Variants in RAI14 observed in about 807,000 individuals in gnomAD.
RAI14 encodes the protein ankycorbin.
In RAI14, 45 loss-of-function variants were observed where a neutral mutation model predicts 115.4. The observed-to-expected ratio is 0.39, with a 90% confidence interval of 0.31 to 0.50. The LOEUF (loss-of-function observed/expected upper bound fraction) is 0.50, where lower values mean the gene tolerates loss of function less well. Among genes scored for constraint, RAI14 ranks in the 20% least tolerant of loss-of-function variants. The pLI is 0.85. For missense variants in RAI14, 939 were observed against 1,131.2 expected (o/e 0.83, Z 2.44); for synonymous variants, 371 against 415.4 (o/e 0.89, Z 1.30).
chr5:34,687,214 C>T (rs999626340), intron 2 of RAI14, among the ~76,000 whole-genome samples: 2 of 152,100 alleles, frequency 1.3e-5, no homozygotes, highest in African/African-American at 4.8e-5. Context: ...AAGGAACCGT[C>T]ACATTAAACA....
chr5:34,736,056 G>A (rs747780075), intron 2 of RAI14, among the ~76,000 whole-genome samples: 2 of 152,222 alleles, frequency 1.3e-5, no homozygotes, highest in Non-Finnish European at 2.9e-5. Context: ...CTCGATAGGT[G>A]GTTTTCAACC....
chr5:34,752,703 ATGTG>A (rs71600953), intron 2 of RAI14, among the ~76,000 whole-genome samples: 1,772 of 82,994 alleles, frequency 0.021, 53 homozygotes, highest in South Asian at 0.057. Context: ...TCTTACATAT[ATGTG>A]TGTGTGTGTG....
chr5:34,698,268 C>G (rs1473862935), intron 2 of RAI14, among the ~76,000 whole-genome samples: 2 of 149,108 alleles, frequency 1.3e-5, no homozygotes, highest in Non-Finnish European at 3.0e-5. Context: ...CTGAGGCCAG[C>G]ACTTCCCTTT....
Position 34,823,026 on chromosome 5 carries a change from G to A in RAI14, c.1184G>A (p.Gly395Asp), listed in dbSNP as rs758408600. The change falls in exon 15 of 18, where the codon GGC (glycine) becomes GAC (aspartate). Residue 395 changes from glycine to aspartate, a missense_variant. Physicochemically the swap from Gly to Asp is moderately conservative, Grantham distance 94. Transcript: ENST00000265109. This position sits in a 1 kb window ranked among gnomAD's most constrained non-coding sequence, Gnocchi z 4.5. ...TACCATTCCACCCAAACTGACTTGG[G>A]CCCATCCCTGGGAAAACCTGGTGAA... is the stretch of plus-strand genomic sequence containing the variant. ...DSYHSTQTDL[G>D]PSLGKPGETS... 6 of 1,613,932 alleles carry A rather than the reference G, an allele frequency of 3.7e-6. No individual in the cohort carries two copies. The highest frequency in any genetic ancestry group is 1.3e-5 in the African/African-American group (1 of 74,966).
intron 2 of RAI14, among the ~76,000 whole-genome samples, chr5:34,704,020 C>T (rs967796929): frequency 1.3e-5 from 2 of 152,174 alleles, no homozygotes; most frequent in Non-Finnish European, 2.9e-5. Context: ...TTGTGGGGCT[C>T]CACCCCAGAG....
At chr5:34,740,266 G>T (rs1033772830) in intron 2 of RAI14, among the ~76,000 whole-genome samples, 1 of 152,124 alleles carries the variant, frequency 6.6e-6, no homozygotes, top group East Asian at 1.9e-4. Context: ...TCAGTGTGTG[G>T]GGTCAAACTG....
intron 2 of RAI14, among the ~76,000 whole-genome samples, chr5:34,743,313 A>G (rs766283229): frequency 1.3e-5 from 2 of 152,162 alleles, no homozygotes; most frequent in Non-Finnish European, 2.9e-5. Flanking sequence ...GGTGGTTGCC[A>G]GCAATCCTTG....
In RAI14 at chr5:34,803,671, G is replaced by A. The variant is rs1473684971; in HGVS notation, c.257-41G>A. 3 of 1,499,832 alleles carry A rather than the reference G, an allele frequency of 2.0e-6. No individual in the cohort carries two copies. In the African/African-American group the frequency reaches 4.2e-5, roughly 21 times the overall value. 92.9% of individuals were successfully genotyped at this position (1,499,832 alleles called of 1,614,324 possible). On this transcript the variant is annotated intron_variant, in intron 4 of 17. Coordinates refer to ENST00000265109, the MANE Select transcript of RAI14 (RefSeq NM_015577.3). ...AGAAAGAGATTTTTTTTAAAGTGTGGCCTTTTTAAAAAAAATTATTATTTG... is the reference window on the plus strand; with the variant it reads ...AGAAAGAGATTTTTTTTAAAGTGTGACCTTTTTAAAAAAAATTATTATTTG...
chr5:34,752,532 A>G (rs961815610), intron 2 of RAI14, among the ~76,000 whole-genome samples: 1 of 151,816 alleles, frequency 6.6e-6, no homozygotes, highest in African/African-American at 2.4e-5. Flanking sequence ...TGGAGTAGAG[A>G]AACAGAGAGA....
intron 2 of RAI14, among the ~76,000 whole-genome samples, chr5:34,715,390 G>T (rs1024391667): frequency 6.6e-6 from 1 of 152,194 alleles, no homozygotes; most frequent in Non-Finnish European, 1.5e-5. Context: ...GTCTTAGCCA[G>T]CTTGGTCCAC....
At chr5:34,815,517 C>T (rs1756125726) in intron 12 of RAI14, among the ~76,000 whole-genome samples, 2 of 152,138 alleles carry the variant, frequency 1.3e-5, no homozygotes, top group South Asian at 2.1e-4. Context: ...GAGCCAAGAT[C>T]GGGCCACTGC....
intron 3 of RAI14, among the ~76,000 whole-genome samples, chr5:34,779,767 T>C (rs1751371144): frequency 6.6e-6 from 1 of 152,126 alleles, no homozygotes; most frequent in Non-Finnish European, 1.5e-5. Context: ...ATAGGAAGAA[T>C]CAATATCGTG....
At chr5:34,746,666 A>G (rs903695844) in intron 2 of RAI14, among the ~76,000 whole-genome samples, 4 of 152,006 alleles carry the variant, frequency 2.6e-5, no homozygotes, top group East Asian at 1.9e-4. Context: ...CAGCCTCCCA[A>G]TCCTTATACC....
chr5:34,715,222 TTTC>T (rs993991974), intron 2 of RAI14, among the ~76,000 whole-genome samples: 1 of 152,048 alleles, frequency 6.6e-6, no homozygotes, highest in African/African-American at 2.4e-5. Context: ...GTGGTGGAGA[TTTC>T]TTGGAACTGT....
chr5:34,745,337 C>T lies in RAI14; in HGVS notation c.37-12131C>T, dbSNP rs187783315. On this transcript the variant is annotated intron_variant, in intron 2 of 17. Coordinates refer to ENST00000265109, the MANE Select transcript of RAI14 (RefSeq NM_015577.3). ...CTCCTTTTTCATTTGACATTTGCTGCTCTTGCTTATACTGGGCCACCCTCA... is the reference window on the plus strand; with the variant it reads ...CTCCTTTTTCATTTGACATTTGCTGTTCTTGCTTATACTGGGCCACCCTCA... Among the ~76,000 whole-genome samples, 171 of 152,322 alleles carry T rather than the reference C, an allele frequency of 1.1e-3. 1 individual carries two copies. The highest frequency in any genetic ancestry group is 4.0e-3 in the African/African-American group (165 of 41,576).
At chr5:34,757,759 T>G (rs1267492415) in intron 3 of RAI14, 161 bp downstream of exon 3, 1 of 966,410 alleles carries the variant, frequency 1.0e-6, no homozygotes, top group African/African-American at 1.7e-5. Context: ...CTCTCCAAAT[T>G]CCAAGTCACA....
Position 34,686,957 on chromosome 5 carries a change from T to C in RAI14, c.36+2T>C. The C allele has an allele frequency of 6.2e-7, 1 of 1,613,804 alleles. No homozygotes were observed. Among genetic ancestry groups the C allele is most frequent in the South Asian group, 1.1e-5 (1 of 90,946 alleles). ...AAAGCGAAGTTCAGGAAGAGTGACG[T>C]GAGTATGCGGTGACTCACAGTCTGG... is the stretch of plus-strand genomic sequence containing the variant. On this transcript the variant is annotated splice_donor_variant, in intron 2 of 17. Coordinates refer to ENST00000265109, the MANE Select transcript of RAI14 (RefSeq NM_015577.3). LOFTEE classifies it high-confidence loss of function.
chr5:34,716,174 A>T (rs1741971381), intron 2 of RAI14: 1 of 392,408 alleles, frequency 2.5e-6, no homozygotes, highest in Admixed American at 3.4e-5. Flanking sequence ...AAATGCACAG[A>T]TTTCAAAGGA....
intron 2 of RAI14, among the ~76,000 whole-genome samples, chr5:34,726,441 C>G (rs912463266): frequency 6.6e-6 from 1 of 152,060 alleles, no homozygotes; most frequent in Non-Finnish European, 1.5e-5. Context: ...ACAACCAGAC[C>G]TCATGAGAAC....
Sources: allele counts gnomAD v4.1 joint callset (sites outside exome capture counted in the v4.1 genomes callset), GRCh38; gene constraint gnomAD v4.1.1; non-coding constraint Gnocchi (gnomAD v3.1); transcripts MANE v1.5; gene names NCBI Gene and HGNC (gene_info 2026-07-23, HGNC 2026-07-21).